The following CELF2 variants were observed in gnomAD, a reference collection of about 807,000 sequenced individuals.
The protein encoded by CELF2 is CUG triplet repeat RNA-binding protein 2.
A neutral mutation model predicts 62.6 loss-of-function variants in CELF2; 8 were observed. The observed-to-expected ratio is 0.13, with a 90% confidence interval of 0.07 to 0.23. The LOEUF (loss-of-function observed/expected upper bound fraction) is 0.23. Ranked by LOEUF, CELF2 falls within the 10% of genes least tolerant of loss-of-function variation. The probability of loss-of-function intolerance (pLI) is 1.00; values close to 1 mark genes in which losing one functional copy is unlikely to be tolerated. For missense variants in CELF2, 333 were observed against 671.0 expected (o/e 0.50, Z 5.56); for synonymous variants, 258 against 250.0 (o/e 1.03, Z -0.30).
At chr10:11,000,694 C>G (rs1384557593), upstream of CELF2, among the ~76,000 whole-genome samples, 3 of 152,210 alleles carry the variant, frequency 2.0e-5, no homozygotes, top group Non-Finnish European at 2.9e-5. Flanking sequence ...TCCCCAGATA[C>G]TGTCAAACCC....
chr10:11,045,554 A>G (rs2062663087), intron 1 of CELF2, among the ~76,000 whole-genome samples: 1 of 152,256 alleles, frequency 6.6e-6, no homozygotes, highest in African/African-American at 2.4e-5. Flanking sequence ...GCACCTAATG[A>G]AATGCTCAAT....
intron 1 of CELF2, among the ~76,000 whole-genome samples, chr10:11,051,588 T>G (rs1015928916): frequency 6.6e-6 from 1 of 152,156 alleles, no homozygotes; most frequent in Non-Finnish European, 1.5e-5. Flanking sequence ...GGCACCACAA[T>G]GTGCTAAGGT....
At position 11,157,250 on chromosome 10, in the gene CELF2, G is replaced by A. The variant is rs1226553235; in HGVS notation, c.75-8236G>A. 6.6e-6 allele frequency among the ~76,000 whole-genome samples: 1 copy of A among 152,108 alleles called. No individual in the cohort carries two copies. Among genetic ancestry groups the A allele is most frequent in the Non-Finnish European group, 1.5e-5 (1 of 68,020 alleles). ...TGGTTGTAGAGGAGCTGTGCTCTGGGGCCGCGTTTCCCACCTTCCCAGCTC... is the reference window on the plus strand; with the variant it reads ...TGGTTGTAGAGGAGCTGTGCTCTGGAGCCGCGTTTCCCACCTTCCCAGCTC... On this transcript the variant is annotated intron_variant, in intron 1 of 12. Coordinates refer to ENST00000633077, the MANE Select transcript of CELF2 (RefSeq NM_001326342.2). This position sits in a 1 kb window ranked among gnomAD's most constrained non-coding sequence, Gnocchi z 4.9.
At chr10:10,563,797 A>G in the CELF2 span, among the ~76,000 whole-genome samples, 1 of 152,124 alleles carries the variant, frequency 6.6e-6, no homozygotes. Flanking sequence ...AACACAAAGA[A>G]CAAAACGGGG....
chr10:10,820,940 G>A (rs1390332205), intron 1 of CELF2, among the ~76,000 whole-genome samples: 1 of 152,186 alleles, frequency 6.6e-6, no homozygotes, highest in South Asian at 2.1e-4. Flanking sequence ...CATTCTGGGG[G>A]TTATTGTAGA....
chr10:10,823,291 G>T (rs1037937601), intron 1 of CELF2, among the ~76,000 whole-genome samples: 1 of 152,140 alleles, frequency 6.6e-6, no homozygotes, highest in African/African-American at 2.4e-5. Context: ...TAAAAATTCC[G>T]TATCTGAACA....
chr10:10,730,857 C>T, the CELF2 span, among the ~76,000 whole-genome samples: 1 of 152,162 alleles, frequency 6.6e-6, no homozygotes, highest in Non-Finnish European at 1.5e-5. Context: ...GTGTTGATGC[C>T]AGCTCCCCAG....
chr10:10,537,053 C>G, the CELF2 span, among the ~76,000 whole-genome samples: 1 of 152,162 alleles, frequency 6.6e-6, no homozygotes, highest in East Asian at 1.9e-4. Context: ...CAAAATGCCA[C>G]TGCCGGAGTA....
the CELF2 span, among the ~76,000 whole-genome samples, chr10:10,647,053 A>G: frequency 0.18 from 27,449 of 152,186 alleles, 3,085 homozygotes; most frequent in South Asian, 0.43. Context: ...AAATAGGGTC[A>G]CATACTCCTC....
chr10:10,916,282 TGC>T (rs538597369), intron 1 of CELF2, among the ~76,000 whole-genome samples: 284 of 152,376 alleles, frequency 1.9e-3, no homozygotes, highest in Non-Finnish European at 3.2e-3. Flanking sequence ...GCTACATTAC[TGC>T]AGTCAAATAC....
At chr10:10,747,720 A>T in the CELF2 span, among the ~76,000 whole-genome samples, 23 of 152,228 alleles carry the variant, frequency 1.5e-4, no homozygotes, top group African/African-American at 2.2e-4. Flanking sequence ...ATATATATAT[A>T]TTTTGAGACG....
At chr10:10,527,361 T>C in the CELF2 span, among the ~76,000 whole-genome samples, 20 of 151,540 alleles carry the variant, frequency 1.3e-4, no homozygotes, top group Middle Eastern at 0.01. Context: ...AGGAGAATCA[T>C]GCTTGAACCT....
At chr10:10,718,347 G>T in the CELF2 span, among the ~76,000 whole-genome samples, 6 of 152,276 alleles carry the variant, frequency 3.9e-5, no homozygotes, top group African/African-American at 1.4e-4. Context: ...TTCTTGGCCA[G>T]GCGCGGTGGC....
At chr10:10,782,931 C>T in the CELF2 span, among the ~76,000 whole-genome samples, 1 of 152,102 alleles carries the variant, frequency 6.6e-6, no homozygotes, top group Non-Finnish European at 1.5e-5. Flanking sequence ...TGAATGTGAC[C>T]TCAAAGTGTT....
chr10:10,470,389 C>G, the CELF2 span, among the ~76,000 whole-genome samples: 1 of 151,744 alleles, frequency 6.6e-6, no homozygotes, highest in Admixed American at 6.6e-5. Context: ...GATCAGAAGT[C>G]TGATACAGAT....
chr10:10,956,094 C>A (rs972912048), intron 2 of CELF2, among the ~76,000 whole-genome samples: 6 of 152,194 alleles, frequency 3.9e-5, no homozygotes, highest in Non-Finnish European at 8.8e-5. Flanking sequence ...TTAAATTCGT[C>A]TTATATGGAT....
At chr10:10,517,310 A>C in the CELF2 span, among the ~76,000 whole-genome samples, 3 of 151,928 alleles carry the variant, frequency 2.0e-5, no homozygotes, top group Non-Finnish European at 4.4e-5. Flanking sequence ...TTCCAGCCAA[A>C]CCCAGGCAGT....
intron 2 of CELF2, among the ~76,000 whole-genome samples, chr10:10,956,770 G>GA (rs911042201): frequency 8.0e-5 from 12 of 150,808 alleles, no homozygotes; most frequent in Admixed American, 2.6e-4. Flanking sequence ...TCTACAAAAA[G>GA]AAAAAAAAAT....
chr10:10,864,895 T>C (rs892943803), intron 1 of CELF2, among the ~76,000 whole-genome samples: 3 of 152,190 alleles, frequency 2.0e-5, no homozygotes, highest in African/African-American at 7.2e-5. Context: ...GATACTATCA[T>C]CTAGAGATAA....
Sources: gnomAD v4.1 joint callset for allele counts (sites outside exome capture counted in the v4.1 genomes callset) on GRCh38, gnomAD v4.1.1 for gene constraint, Gnocchi (gnomAD v3.1) non-coding constraint, MANE v1.5 for transcripts, NCBI Gene and HGNC (gene_info 2026-07-23, HGNC 2026-07-21) for gene names.